The following SLC25A21 variants were observed in gnomAD, a reference collection of about 807,000 sequenced individuals.
SLC25A21 encodes mitochondrial 2-oxodicarboxylate carrier.
A neutral mutation model predicts 43.8 loss-of-function variants in SLC25A21; 47 were observed. The ratio of observed to expected loss-of-function variants is 1.07; its 90% CI spans 0.85 to 1.37. The LOEUF is 1.37. Ranked by LOEUF, SLC25A21 falls within the 40% of genes most tolerant of loss-of-function variation. The pLI, the probability that SLC25A21 is intolerant of heterozygous loss-of-function variation, is 0.00. For synonymous variants in SLC25A21, 131 were observed against 121.3 expected (o/e 1.08, Z -0.52); for missense variants, 352 against 350.2 (o/e 1.00, Z -0.04).
intron 1 of SLC25A21, among the ~76,000 whole-genome samples, chr14:36,907,412 C>T (rs1891565313): frequency 6.6e-6 from 1 of 152,010 alleles, no homozygotes; most frequent in Admixed American, 6.6e-5. Flanking sequence ...CCATGTACAA[C>T]ATATTTTTTG....
Position 36,680,543 on chromosome 14 carries a change from T to C in SLC25A21, c.*115A>G, listed in dbSNP as rs1266178897. On this transcript the variant is annotated 3_prime_UTR_variant, in exon 10 of 10. Transcript: ENST00000331299. ...TAAAGTATTAAAATAGATTTTGTTC[T>C]TGAACAGTTTTCTCCTTCATAATTA... 11 of 1,397,188 alleles carry C rather than the reference T, an allele frequency of 7.9e-6. No individual in the cohort carries two copies. The highest frequency in any genetic ancestry group is 9.3e-6 in the Non-Finnish European group (10 of 1,071,872). 86.5% of individuals were successfully genotyped at this position (1,397,188 alleles called of 1,614,324 possible).
intron 3 of SLC25A21, among the ~76,000 whole-genome samples, chr14:36,803,538 T>C (rs2138424475): frequency 6.6e-6 from 1 of 152,338 alleles, no homozygotes; most frequent in South Asian, 2.1e-4. Flanking sequence ...AAAAAACTAA[T>C]TCATTTAACA....
At chr14:37,006,608 G>T (rs947428562) in intron 1 of SLC25A21, among the ~76,000 whole-genome samples, 3 of 151,868 alleles carry the variant, frequency 2.0e-5, no homozygotes, top group Non-Finnish European at 4.4e-5. Flanking sequence ...CATACTGCCC[G>T]ATCTATCAAC....
chr14:36,791,908 T>C (rs1239909091), intron 3 of SLC25A21, among the ~76,000 whole-genome samples: 1 of 152,100 alleles, frequency 6.6e-6, no homozygotes, highest in Admixed American at 6.6e-5. Context: ...GAGCCAAAAA[T>C]ATTCTATTTC....
At chr14:37,044,670 G>A (rs971839160) in intron 1 of SLC25A21, among the ~76,000 whole-genome samples, 19 of 152,082 alleles carry the variant, frequency 1.2e-4, no homozygotes, top group Admixed American at 9.8e-4. Flanking sequence ...CTTTCTTAAG[G>A]TAGATACAGT....
intron 1 of SLC25A21, among the ~76,000 whole-genome samples, chr14:37,164,648 G>A (rs1964001741): frequency 6.6e-6 from 1 of 152,026 alleles, no homozygotes; most frequent in African/African-American, 2.4e-5. Flanking sequence ...ATACTATTAA[G>A]GCATCTATTT....
At chr14:36,760,243 C>T (rs756290140) in intron 3 of SLC25A21, among the ~76,000 whole-genome samples, 6 of 152,056 alleles carry the variant, frequency 3.9e-5, no homozygotes, top group Admixed American at 6.5e-5. Flanking sequence ...TCACAGACCA[C>T]GGCAAGGCCA....
chr14:37,002,594 A>G (rs1960512440), intron 1 of SLC25A21, among the ~76,000 whole-genome samples: 1 of 152,208 alleles, frequency 6.6e-6, no homozygotes, highest in Admixed American at 6.5e-5. Context: ...TGGGGTTAAT[A>G]GGAGTACATA....
chr14:36,981,503 C>T, intron 1 of SLC25A21, among the ~76,000 whole-genome samples: 1 of 152,188 alleles, frequency 6.6e-6, no homozygotes, highest in South Asian at 2.1e-4. Context: ...GAATGCTATG[C>T]AGCCATAAAA....
chr14:37,089,992 A>G (rs372070443), intron 1 of SLC25A21, among the ~76,000 whole-genome samples: 1 of 152,206 alleles, frequency 6.6e-6, no homozygotes, highest in South Asian at 2.1e-4. Flanking sequence ...AAACAGAAAC[A>G]ATGAAACTGG....
intron 1 of SLC25A21, among the ~76,000 whole-genome samples, chr14:36,881,638 A>G (rs1416242554): frequency 6.6e-6 from 1 of 152,182 alleles, no homozygotes; most frequent in East Asian, 1.9e-4. Flanking sequence ...GACAATAGTG[A>G]GTGTGTAACT....
At chr14:36,822,217 C>T (rs967314560) in intron 2 of SLC25A21, among the ~76,000 whole-genome samples, 5 of 152,242 alleles carry the variant, frequency 3.3e-5, no homozygotes, top group Admixed American at 3.3e-4. Flanking sequence ...GGCCTGGCAT[C>T]AATTAACACT....
intron 2 of SLC25A21, among the ~76,000 whole-genome samples, chr14:36,860,160 G>A (rs955141674): frequency 1.3e-5 from 2 of 151,708 alleles, no homozygotes; most frequent in Admixed American, 6.6e-5. Context: ...AGAGACACAC[G>A]GGAGGCCACT....
At chr14:36,745,090 G>T (rs113012702) in intron 3 of SLC25A21, among the ~76,000 whole-genome samples, 1 of 150,010 alleles carries the variant, frequency 6.7e-6, no homozygotes, top group Admixed American at 6.7e-5. Context: ...GAGAATATGC[G>T]CTGCCTTGTT....
At chr14:36,707,460 C>G (rs1327855695) in intron 7 of SLC25A21, among the ~76,000 whole-genome samples, 1 of 152,036 alleles carries the variant, frequency 6.6e-6, no homozygotes, top group African/African-American at 2.4e-5. Flanking sequence ...ACATTTTACG[C>G]ACAGCATTCC....
At chr14:37,096,922 T>C (rs1040063293) in intron 1 of SLC25A21, 1 of 152,212 alleles carries the variant, frequency 6.6e-6, no homozygotes, top group Non-Finnish European at 1.5e-5. Context: ...TTCTTGATGC[T>C]TGTGGACATT....
chr14:36,876,641 T>G (rs1890534014), intron 1 of SLC25A21, among the ~76,000 whole-genome samples: 1 of 152,088 alleles, frequency 6.6e-6, no homozygotes, highest in African/African-American at 2.4e-5. Flanking sequence ...AATTCACATT[T>G]ACCCCCAAAG....
rs575043643 is a variant in SLC25A21, at chr14:36,904,525, G to A, written c.71-29521C>T. On this transcript the variant is annotated intron_variant, in intron 1 of 9. Coordinates refer to ENST00000331299, the MANE Select transcript of SLC25A21 (RefSeq NM_030631.4). ...TCCCTCTTCAATCAAATGTTCTCTC[G>A]TTGTATTAGTCTGTTCTCACACTTC... is the stretch of plus-strand genomic sequence containing the variant. Among the ~76,000 whole-genome samples, 25 of 152,176 alleles carry A rather than the reference G, an allele frequency of 1.6e-4. 1 individual carries two copies. The highest frequency in any genetic ancestry group is 4.1e-4 in the South Asian group (2 of 4,824).
chr14:36,945,067 ACCTCTTT>A (rs1892648372), intron 1 of SLC25A21, among the ~76,000 whole-genome samples: 1 of 151,328 alleles, frequency 6.6e-6, no homozygotes, highest in African/African-American at 2.4e-5. Flanking sequence ...CAAACCAAAA[ACCTCTTT>A]CCCCTGACTC....
Sources: allele counts gnomAD v4.1 joint callset (sites outside exome capture counted in the v4.1 genomes callset), GRCh38; gene constraint gnomAD v4.1.1; transcripts MANE v1.5; gene names NCBI Gene and HGNC (gene_info 2026-07-23, HGNC 2026-07-21).